PFDN4: variants seen among roughly 807,000 people sequenced by gnomAD.
PFDN4 encodes the protein prefoldin subunit 4, also known as prefoldin 4.
PFDN4 carries 6 observed loss-of-function variants against 17.6 expected under a neutral mutation model. That is an observed-to-expected ratio of 0.34 (90% CI 0.19 to 0.67). PFDN4 has a LOEUF of 0.67. PFDN4 is among the 30% of genes least tolerant of loss of function. PFDN4 has a pLI of 0.68. For synonymous variants in PFDN4, 48 were observed against 51.1 expected (o/e 0.94, Z 0.26); for missense variants, 119 against 158.4 (o/e 0.75, Z 1.33).
chr20:54,217,006 G>T (rs2092763406), intron 3 of PFDN4, among the ~76,000 whole-genome samples: 1 of 152,128 alleles, frequency 6.6e-6, no homozygotes, highest in African/African-American at 2.4e-5. Context: ...AATGAATGGA[G>T]TGCTTACTCT....
At chr20:54,214,552 CTGTT>C (rs2092760091) in intron 2 of PFDN4, 94 bp downstream of exon 2, 3 of 603,702 alleles carry the variant, frequency 5.0e-6, no homozygotes. Context: ...TTTCTCTGGG[CTGTT>C]TGTTGCAGAT....
chr20:54,219,231 G>A lies in PFDN4; in HGVS notation c.*81G>A. ...ATAATTTTCCTTCTTCAAATGACAT[G>A]GAAAGCAAAACTTTCTTTTTTAAAA... On this transcript the variant is annotated 3_prime_UTR_variant, in exon 4 of 4. Transcript: ENST00000371419. 1.1e-6 allele frequency: 1 copy of A among 886,864 alleles called. No individual in the cohort carries two copies. Among genetic ancestry groups the A allele is most frequent in the Non-Finnish European group, 1.6e-6 (1 of 621,268 alleles). The allele number at this position is 886,864 out of a possible 1,614,324, so 54.9% of individuals were successfully genotyped here.
chr20:54,214,262 T>C (rs2092759700), intron 1 of PFDN4, 89 bp from the exon 2 acceptor site: 1 of 696,598 alleles, frequency 1.4e-6, no homozygotes, highest in African/African-American at 1.8e-5. Flanking sequence ...TGAGTGCAAA[T>C]GGCTTATTGA....
At chr20:54,214,177 A>C (rs1404402708) in intron 1 of PFDN4, among the ~76,000 whole-genome samples, 174 bp from the exon 2 acceptor site, 1 of 152,222 alleles carries the variant, frequency 6.6e-6, no homozygotes, top group Non-Finnish European at 1.5e-5. Context: ...ATAGATTTAC[A>C]AACAAACCTT....
chr20:54,218,685 G>C (rs921097502), intron 3 of PFDN4, among the ~76,000 whole-genome samples: 1 of 152,158 alleles, frequency 6.6e-6, no homozygotes, highest in Non-Finnish European at 1.5e-5. Context: ...GGAAAAAGCT[G>C]GGTTAGAAGC....
chr20:54,211,857 C>T (rs1458417588), intron 1 of PFDN4, among the ~76,000 whole-genome samples: 2 of 152,092 alleles, frequency 1.3e-5, no homozygotes, highest in African/African-American at 2.4e-5. Context: ...GGTATATCGA[C>T]CTGTCAATGT....
At chr20:54,215,511 A>C (rs2092761407) in intron 3 of PFDN4, 71 bp downstream of exon 3, 1 of 979,126 alleles carries the variant, frequency 1.0e-6, no homozygotes, top group Non-Finnish European at 1.5e-6. Flanking sequence ...AGATGTAGGG[A>C]AATAGTAGAT....
intron 1 of PFDN4, among the ~76,000 whole-genome samples, chr20:54,212,620 T>G (rs1276456942): frequency 6.6e-6 from 1 of 152,284 alleles, no homozygotes; most frequent in East Asian, 1.9e-4. Context: ...CAGGCAGTCC[T>G]GCACTGGATC....
Position 54,214,568 on chromosome 20 carries a change from A to G in PFDN4, c.132+110A>G, listed in dbSNP as rs2092760133. On this transcript the variant is annotated intron_variant, in intron 2 of 3. Coordinates refer to ENST00000371419, the MANE Select transcript of PFDN4 (RefSeq NM_002623.4). ...TTCTCTGGGCTGTTTGTTGCAGATG[A>G]ATGACGCGATCCACTCTAGTTAAGC... 7 of 578,408 alleles carry G rather than the reference A, an allele frequency of 1.2e-5. No individual in the cohort carries two copies. The South Asian group carries it at 1.8e-4, about 15-fold the overall frequency. The allele number at this position is 578,408 out of a possible 1,614,324, so 35.8% of individuals were successfully genotyped here.
intron 3 of PFDN4, 124 bp downstream of exon 3, chr20:54,215,564 A>G (rs1344624496): frequency 1.7e-5 from 10 of 587,940 alleles, no homozygotes; most frequent in Admixed American, 3.5e-5. Context: ...TGTCCCAGGC[A>G]TGCTCCGAAT....
intron 1 of PFDN4, among the ~76,000 whole-genome samples, chr20:54,210,533 G>C (rs898944491): frequency 6.6e-6 from 1 of 152,188 alleles, no homozygotes; most frequent in South Asian, 2.1e-4. Context: ...TGGGGAGAGT[G>C]TTTAGATGAG....
chr20:54,211,918 C>T (rs965970380), intron 1 of PFDN4, among the ~76,000 whole-genome samples: 34 of 152,094 alleles, frequency 2.2e-4, no homozygotes, highest in Non-Finnish European at 4.9e-4. Flanking sequence ...TCTGGCTGGG[C>T]GTGGTGGCTC....
chr20:54,215,183 G>A, intron 2 of PFDN4, 117 bp from the exon 3 acceptor site: 1 of 671,080 alleles, frequency 1.5e-6, no homozygotes, highest in East Asian at 2.6e-5. Context: ...TTCTAATGTG[G>A]TAATAATACC....
Position 54,209,816 on chromosome 20 carries a change from C to T in PFDN4, c.24+1692C>T, listed in dbSNP as rs374918101. ...AAATTTTCGGGGGCACGTAATATGGCGTAGTCTCAGTTTTAAGTGGAGACA... is the reference window on the plus strand; with the variant it reads ...AAATTTTCGGGGGCACGTAATATGGTGTAGTCTCAGTTTTAAGTGGAGACA... On this transcript the variant is annotated intron_variant, in intron 1 of 3. Transcript: ENST00000371419. 2.8e-4 allele frequency among the ~76,000 whole-genome samples: 42 copies of T among 152,256 alleles called. 1 individual carries two copies. Among genetic ancestry groups the T allele is most frequent in the African/African-American group, 9.9e-4 (41 of 41,546 alleles).
At chr20:54,208,290 GGC>G (rs1458660796) in intron 1 of PFDN4, 166 bp downstream of exon 1, 1 of 559,694 alleles carries the variant, frequency 1.8e-6, no homozygotes, top group Non-Finnish European at 2.8e-6. Context: ...GCTCGCGCCT[GGC>G]GCCCTGAGCG....
At chr20:54,215,802 C>T (rs1288852226) in intron 3 of PFDN4, among the ~76,000 whole-genome samples, 2 of 152,234 alleles carry the variant, frequency 1.3e-5, no homozygotes, top group African/African-American at 4.8e-5. Flanking sequence ...GGTAACCATT[C>T]ATAGTGAACA....
intron 3 of PFDN4, among the ~76,000 whole-genome samples, chr20:54,217,898 T>C (rs2092764696): frequency 6.6e-6 from 1 of 152,152 alleles, no homozygotes; most frequent in Admixed American, 6.5e-5. Flanking sequence ...AAAATCCAGG[T>C]TGCTGGGCCC....
chr20:54,210,729 T>G (rs1418926), intron 1 of PFDN4, among the ~76,000 whole-genome samples: 58,964 of 152,094 alleles, frequency 0.39, 11,734 homozygotes, highest in Non-Finnish European at 0.41. Flanking sequence ...TTTCTACTCC[T>G]AAGCTGTTTT....
intron 1 of PFDN4, 47 bp from the exon 2 acceptor site, chr20:54,214,304 A>G (rs1218052752): frequency 1.0e-6 from 1 of 979,972 alleles, no homozygotes; most frequent in African/African-American, 1.6e-5. Flanking sequence ...AAGCTAACTG[A>G]TAACTTCTCC....
Sources: allele counts gnomAD v4.1 joint callset (sites outside exome capture counted in the v4.1 genomes callset), GRCh38; gene constraint gnomAD v4.1.1; transcripts MANE v1.5; gene names NCBI Gene and HGNC (gene_info 2026-07-23, HGNC 2026-07-21).